JAK1: variants seen among roughly 807,000 people sequenced by gnomAD.
The protein encoded by JAK1 is tyrosine-protein kinase JAK1.
In JAK1, 16 loss-of-function variants were observed where a neutral mutation model predicts 136.6. The ratio of observed to expected loss-of-function variants is 0.12; its 90% confidence interval spans 0.08 to 0.18. JAK1 has a LOEUF of 0.18. Among genes scored for constraint, JAK1 ranks in the 10% least tolerant of loss-of-function variants. The probability of loss-of-function intolerance (pLI) is 1.00; values close to 1 mark genes in which losing one functional copy is unlikely to be tolerated. For synonymous variants in JAK1, 492 were observed against 519.5 expected, an observed-to-expected ratio of 0.95 and a Z score of 0.72; for missense variants, 859 against 1,450.1, an observed-to-expected ratio of 0.59 and a Z score of 6.62.
chr1:64,952,175 CA>C (rs1237706781), intron 1 of JAK1, among the ~76,000 whole-genome samples: 1 of 152,166 alleles, frequency 6.6e-6, no homozygotes, highest in Non-Finnish European at 1.5e-5. Context: ...TTTGCCATCT[CA>C]AAAGCAGGAG....
At chr1:64,957,898 A>G (rs1445067318) in intron 1 of JAK1, among the ~76,000 whole-genome samples, 1 of 152,100 alleles carries the variant, frequency 6.6e-6, no homozygotes, top group Admixed American at 6.6e-5. Context: ...GAGCCGAGAT[A>G]GCGCCACTGC....
At chr1:64,975,783 G>C (rs896961933) in intron 2 of JAK1, among the ~76,000 whole-genome samples, 1 of 152,120 alleles carries the variant, frequency 6.6e-6, no homozygotes, top group African/African-American at 2.4e-5. Context: ...GGAGTACCAG[G>C]AAACGCCCAA....
At chr1:64,944,206 T>C (rs1228656543) in intron 1 of JAK1, among the ~76,000 whole-genome samples, 2 of 117,778 alleles carry the variant, frequency 1.7e-5, no homozygotes, top group African/African-American at 7.0e-5. Context: ...TGGGCAACAG[T>C]GCAAGACTCT....
intron 2 of JAK1, among the ~76,000 whole-genome samples, chr1:64,997,563 T>A (rs147393690): frequency 6.6e-5 from 10 of 152,308 alleles, no homozygotes; most frequent in African/African-American, 1.9e-4. Flanking sequence ...TATAGGATAT[T>A]TCACTGTCCT....
At chr1:64,922,454 A>G (rs748322407) in intron 1 of JAK1, among the ~76,000 whole-genome samples, 4 of 151,620 alleles carry the variant, frequency 2.6e-5, no homozygotes, top group Non-Finnish European at 5.9e-5. Flanking sequence ...CAGGAGTATA[A>G]ATGTCATGTA....
chr1:64,974,777 A>G (rs1290854397), intron 2 of JAK1: 1 of 152,290 alleles, frequency 6.6e-6, no homozygotes, highest in East Asian at 1.9e-4. Flanking sequence ...TATATAGCAC[A>G]GTTCCAAAAG....
chr1:64,937,802 A>ATCC (rs1645815907), intron 1 of JAK1, among the ~76,000 whole-genome samples: 1 of 152,208 alleles, frequency 6.6e-6, no homozygotes, highest in East Asian at 1.9e-4. Context: ...AAGGAAACCC[A>ATCC]ACCATCGATC....
rs1245640139 is a variant in JAK1 at position 64,881,286 on chromosome 1, T to TA, written c.205+1990dup. Among the ~76,000 whole-genome samples the TA allele has an allele frequency of 2.4e-5, 3 of 122,938 alleles. No homozygotes were observed. The East Asian group carries it at 1.0e-3, about 43-fold the overall frequency. 80.7% of individuals were successfully genotyped at this position (122,938 alleles called of 152,430 possible). On this transcript the variant is annotated intron_variant, in intron 3 of 24. Coordinates refer to ENST00000342505, the MANE Select transcript of JAK1 (RefSeq NM_002227.4). ...CTAAAAAATATTAAAATTTTAAATT[T>TA]AAAAAAAAGTATTACCCTTTAATCC... is the stretch of plus-strand genomic sequence containing the variant.
At chr1:64,940,475 C>T (rs1340210236) in intron 1 of JAK1, among the ~76,000 whole-genome samples, 2 of 152,002 alleles carry the variant, frequency 1.3e-5, no homozygotes, top group Non-Finnish European at 2.9e-5. Flanking sequence ...TGCCACCACA[C>T]CTGGCTAATT....
chr1:64,916,667 GTC>G (rs1194169743), intron 1 of JAK1, among the ~76,000 whole-genome samples: 1 of 151,910 alleles, frequency 6.6e-6, no homozygotes. Context: ...GTGAAACCCT[GTC>G]TCTGCTAAAA....
intron 2 of JAK1, chr1:64,974,381 T>A (rs569287212): frequency 5.4e-4 from 83 of 152,328 alleles, no homozygotes; most frequent in African/African-American, 1.9e-3. Context: ...CACTTACTAG[T>A]GTATATCCCA....
chr1:65,007,287 T>A (rs976175330), intron 2 of JAK1, among the ~76,000 whole-genome samples: 1 of 152,102 alleles, frequency 6.6e-6, no homozygotes, highest in African/African-American at 2.4e-5. Flanking sequence ...TGGTCTCTTG[T>A]CTTCTCTCTG....
intron 2 of JAK1, among the ~76,000 whole-genome samples, chr1:65,008,783 G>A (rs922006672): frequency 1.5e-4 from 23 of 152,012 alleles, no homozygotes; most frequent in African/African-American, 5.6e-4. Context: ...AACCTGCCTG[G>A]GCTCAAGTAA....
chr1:64,918,048 A>G (rs1645429334), intron 1 of JAK1, among the ~76,000 whole-genome samples: 1 of 152,098 alleles, frequency 6.6e-6, no homozygotes, highest in South Asian at 2.1e-4. Flanking sequence ...CCCTTTCCTT[A>G]TACACCTAGG....
In JAK1 at chr1:64,845,898, A is replaced by G. The variant is rs181885691; in HGVS notation, c.1988-258T>C. The stretch of plus-strand genomic sequence containing the variant: ...TCATCTGTAATAACAGATGGCGGCT[A>G]AATGTCACAAGGCCTGGAAAGCCTT... On this transcript the variant is annotated intron_variant, in intron 14 of 24. Coordinates refer to ENST00000342505, the MANE Select transcript of JAK1 (RefSeq NM_002227.4). Among the ~76,000 whole-genome samples, 305 of 152,332 alleles carry G rather than the reference A, an allele frequency of 2.0e-3. 5 individuals carry two copies. Among genetic ancestry groups the G allele is most frequent in the South Asian group, 0.019 (92 of 4,824 alleles).
intron 11 of JAK1, among the ~76,000 whole-genome samples, chr1:64,852,938 G>A (rs566550599): frequency 6.6e-6 from 1 of 152,294 alleles, no homozygotes; most frequent in South Asian, 2.1e-4. Flanking sequence ...TGGGAGATGG[G>A]TAGTGGAGCT....
At chr1:65,063,574 C>A (rs1001419129) in intron 1 of JAK1, among the ~76,000 whole-genome samples, 2 of 152,098 alleles carry the variant, frequency 1.3e-5, no homozygotes, top group South Asian at 2.1e-4. Flanking sequence ...GAGGCCAAGG[C>A]GGATGGATCA....
At chr1:65,011,518 T>C (rs1388023076) in intron 2 of JAK1, among the ~76,000 whole-genome samples, 1 of 152,088 alleles carries the variant, frequency 6.6e-6, no homozygotes, top group Admixed American at 6.6e-5. Flanking sequence ...AAAATAGGAC[T>C]TTTCATTGAA....
chr1:64,900,949 C>T (rs992194397), intron 1 of JAK1, among the ~76,000 whole-genome samples: 2 of 152,164 alleles, frequency 1.3e-5, no homozygotes, highest in Non-Finnish European at 2.9e-5. Flanking sequence ...GCTCAGGAAT[C>T]ATCTCCATCA....
Sources: allele counts gnomAD v4.1 joint callset (sites outside exome capture counted in the v4.1 genomes callset), GRCh38; gene constraint gnomAD v4.1.1; transcripts MANE v1.5; gene names NCBI Gene and HGNC (gene_info 2026-07-23, HGNC 2026-07-21).